Variants in SLC25A21 observed in about 807,000 individuals in gnomAD.
The protein encoded by SLC25A21 is mitochondrial 2-oxodicarboxylate carrier.
SLC25A21 carries 47 observed loss-of-function variants against 43.8 expected under a neutral mutation model. That is an observed-to-expected ratio of 1.07 (90% CI 0.85 to 1.37). SLC25A21 has a LOEUF of 1.37. Among genes scored for constraint, SLC25A21 ranks in the 40% most tolerant of loss-of-function variants. SLC25A21 has a pLI of 0.00. For synonymous variants in SLC25A21, 131 were observed against 121.3 expected (o/e 1.08, Z -0.52); for missense variants, 352 against 350.2 (o/e 1.00, Z -0.04).
At chr14:36,910,318 G>A (rs1029040035) in intron 1 of SLC25A21, among the ~76,000 whole-genome samples, 20 of 152,094 alleles carry the variant, frequency 1.3e-4, no homozygotes, top group Non-Finnish European at 4.4e-5. Flanking sequence ...AAGCCTAGGG[G>A]GTTTTGAGTG....
chr14:36,686,158 G>A (rs900475415), intron 7 of SLC25A21, among the ~76,000 whole-genome samples: 1 of 152,264 alleles, frequency 6.6e-6, no homozygotes, highest in South Asian at 2.1e-4. Flanking sequence ...TGAACCAAGA[G>A]CCAGTTACCA....
intron 1 of SLC25A21, among the ~76,000 whole-genome samples, chr14:37,075,810 T>C (rs1430066461): frequency 6.6e-6 from 1 of 152,256 alleles, no homozygotes; most frequent in Non-Finnish European, 1.5e-5. Context: ...TGATGGTTTA[T>C]GTCGTTGATA....
chr14:37,043,140 TG>T (rs1338064691), intron 1 of SLC25A21, among the ~76,000 whole-genome samples: 1 of 152,226 alleles, frequency 6.6e-6, no homozygotes, highest in Non-Finnish European at 1.5e-5. Context: ...ACCTTCTTAA[TG>T]TTGCTTAAAT....
At chr14:37,121,398 G>C (rs1400392793) in intron 1 of SLC25A21, among the ~76,000 whole-genome samples, 1 of 152,158 alleles carries the variant, frequency 6.6e-6, no homozygotes, top group African/African-American at 2.4e-5. Flanking sequence ...TGTCAGTGCG[G>C]ATAGGGGAGG....
chr14:37,163,939 A>G (rs1356783817), intron 1 of SLC25A21, among the ~76,000 whole-genome samples: 2 of 152,176 alleles, frequency 1.3e-5, no homozygotes, highest in African/African-American at 2.4e-5. Context: ...ATGATCAACA[A>G]ACATTTCTGA....
intron 1 of SLC25A21, among the ~76,000 whole-genome samples, chr14:37,138,307 G>A (rs996993969): frequency 6.6e-6 from 1 of 152,172 alleles, no homozygotes; most frequent in Admixed American, 6.5e-5. Flanking sequence ...CTCGATTAAA[G>A]TATATACTTT....
At chr14:36,772,595 T>A (rs17105287) in intron 3 of SLC25A21, among the ~76,000 whole-genome samples, 2 of 152,154 alleles carry the variant, frequency 1.3e-5, no homozygotes, top group African/African-American at 2.4e-5. Flanking sequence ...GAGAGGGATG[T>A]TGGGCGGCTG....
At chr14:36,745,257 G>A (rs1885446121) in intron 3 of SLC25A21, among the ~76,000 whole-genome samples, 1 of 151,994 alleles carries the variant, frequency 6.6e-6, no homozygotes, top group Admixed American at 6.6e-5. Flanking sequence ...CGGATATTTG[G>A]GTTGGTTCCA....
intron 1 of SLC25A21, among the ~76,000 whole-genome samples, chr14:36,967,464 A>C (rs1959642701): frequency 6.6e-6 from 1 of 152,214 alleles, no homozygotes; most frequent in Non-Finnish European, 1.5e-5. Context: ...AAGTATGTAT[A>C]GTCATTTGAC....
At chr14:36,943,610 C>T (rs189134944) in intron 1 of SLC25A21, among the ~76,000 whole-genome samples, 2 of 152,244 alleles carry the variant, frequency 1.3e-5, no homozygotes, top group East Asian at 1.9e-4. Context: ...GAGTCCCTGC[C>T]CTGCTGCTAT....
At chr14:36,846,774 G>T (rs1889558761) in intron 2 of SLC25A21, among the ~76,000 whole-genome samples, 1 of 152,202 alleles carries the variant, frequency 6.6e-6, no homozygotes, top group African/African-American at 2.4e-5. Flanking sequence ...CACAGGTCTA[G>T]TCCTGGTGAC....
At chr14:36,821,315 A>T (rs1427424521) in intron 2 of SLC25A21, among the ~76,000 whole-genome samples, 1 of 147,814 alleles carries the variant, frequency 6.8e-6, no homozygotes, top group East Asian at 2.1e-4. Context: ...AGAGCACATC[A>T]GATGGTGGAA....
intron 7 of SLC25A21, among the ~76,000 whole-genome samples, chr14:36,709,857 G>A (rs1186319337): frequency 6.6e-6 from 1 of 151,994 alleles, no homozygotes; most frequent in African/African-American, 2.4e-5. Flanking sequence ...TAAGAAAAAT[G>A]AAGAACTGGA....
chr14:36,737,028 C>A (rs1885070113), intron 3 of SLC25A21, among the ~76,000 whole-genome samples: 1 of 152,172 alleles, frequency 6.6e-6, no homozygotes, highest in Non-Finnish European at 1.5e-5. Flanking sequence ...GGCCACTTGT[C>A]ATGAATACCA....
chr14:36,697,482 G>A (rs912470709), intron 7 of SLC25A21, among the ~76,000 whole-genome samples: 68 of 152,190 alleles, frequency 4.5e-4, no homozygotes, highest in Non-Finnish European at 2.8e-4. Context: ...CTTCTGTCTC[G>A]TTGATCTGTC....
intron 3 of SLC25A21, among the ~76,000 whole-genome samples, chr14:36,806,227 T>A (rs1888037416): frequency 6.6e-6 from 1 of 152,038 alleles, no homozygotes; most frequent in Non-Finnish European, 1.5e-5. Context: ...TTTTTACTTT[T>A]ATTTTATTTT....
intron 1 of SLC25A21, among the ~76,000 whole-genome samples, chr14:36,903,364 T>G (rs1255373308): frequency 6.6e-6 from 1 of 151,842 alleles, no homozygotes; most frequent in African/African-American, 2.4e-5. Context: ...AAAAATAAAT[T>G]GCTTTGGGAG....
intron 1 of SLC25A21, among the ~76,000 whole-genome samples, chr14:37,100,571 AAATT>A (rs1012902806): frequency 3.7e-4 from 57 of 152,342 alleles, no homozygotes; most frequent in African/African-American, 1.4e-3. Flanking sequence ...TGGTTCATTC[AAATT>A]AATTCTAGGC....
At chr14:36,769,884 A>G (rs1167791564) in intron 3 of SLC25A21, among the ~76,000 whole-genome samples, 1 of 152,178 alleles carries the variant, frequency 6.6e-6, no homozygotes, top group African/African-American at 2.4e-5. Context: ...ACTTTCTACC[A>G]TATTTAGTGT....
Sources: allele counts gnomAD v4.1 joint callset (sites outside exome capture counted in the v4.1 genomes callset), GRCh38; gene constraint gnomAD v4.1.1; transcripts MANE v1.5; gene names NCBI Gene and HGNC (gene_info 2026-07-23, HGNC 2026-07-21).